Variants in ARHGAP15 observed in about 807,000 individuals in gnomAD.
ARHGAP15 encodes Rho GTPase activating protein 15.
ARHGAP15 carries 51 observed loss-of-function variants against 63.7 expected under a neutral mutation model. The observed-to-expected ratio is 0.80, with a 90% CI of 0.64 to 1.01. ARHGAP15 has a LOEUF of 1.01. Among genes scored for constraint, ARHGAP15 ranks in the 50% least tolerant of loss-of-function variants. The pLI, the probability that ARHGAP15 is intolerant of heterozygous loss-of-function variation, is 0.00. For missense variants in ARHGAP15, 560 were observed against 564.6 expected (o/e 0.99, Z 0.08); for synonymous variants, 191 against 193.8 (o/e 0.99, Z 0.12).
At chr2:143,470,878 A>G (rs1204556484) in intron 8 of ARHGAP15, among the ~76,000 whole-genome samples, 2 of 149,660 alleles carry the variant, frequency 1.3e-5, no homozygotes, top group Non-Finnish European at 3.0e-5. Flanking sequence ...GTGTGTATAT[A>G]TATACACGTA....
At chr2:143,167,327 C>T (rs1388988181) in intron 2 of ARHGAP15, among the ~76,000 whole-genome samples, 1 of 152,034 alleles carries the variant, frequency 6.6e-6, no homozygotes, top group Non-Finnish European at 1.5e-5. Context: ...ACTTGCTGGC[C>T]ATTTTACTAA....
chr2:143,538,970 T>C (rs895426214), intron 10 of ARHGAP15, among the ~76,000 whole-genome samples: 1 of 152,230 alleles, frequency 6.6e-6, no homozygotes, highest in Non-Finnish European at 1.5e-5. Flanking sequence ...AGTTCCTCCT[T>C]GTACCTCTGG....
chr2:143,530,116 G>A (rs1019063925), intron 10 of ARHGAP15, among the ~76,000 whole-genome samples: 1 of 152,116 alleles, frequency 6.6e-6, no homozygotes. Flanking sequence ...ACAGATTGAC[G>A]ATTCAGTGAC....
At chr2:143,307,653 G>A (rs1252496945) in intron 6 of ARHGAP15, among the ~76,000 whole-genome samples, 1 of 152,034 alleles carries the variant, frequency 6.6e-6, no homozygotes, top group African/African-American at 2.4e-5. Context: ...AGAGAAAAGA[G>A]AAACTTTGCC....
chr2:143,619,336 G>A (rs1253099838), intron 11 of ARHGAP15, among the ~76,000 whole-genome samples: 1 of 152,132 alleles, frequency 6.6e-6, no homozygotes, highest in African/African-American at 2.4e-5. Context: ...GCATTTCAGG[G>A]TAACCTTGTT....
In ARHGAP15 at chr2:143,301,491, G is replaced by T. The variant is rs540574676; in HGVS notation, c.474+50891G>T. Among the ~76,000 whole-genome samples the T allele has an allele frequency of 4.6e-5, 7 of 152,012 alleles. No homozygotes were observed. In the South Asian group the frequency reaches 1.2e-3, roughly 27 times the overall value. ...ATGTGTATAAAAATTGTCTCCACAA[G>T]TCACTATGATTACTTGATAGATGGT... On this transcript the variant is annotated intron_variant, in intron 6 of 13. Transcript: ENST00000295095.
chr2:143,718,689 T>C (rs1684917769), intron 13 of ARHGAP15, among the ~76,000 whole-genome samples: 1 of 152,158 alleles, frequency 6.6e-6, no homozygotes. Context: ...CTCCCAATAT[T>C]CATCATCCTC....
intron 6 of ARHGAP15, among the ~76,000 whole-genome samples, chr2:143,272,423 G>A (rs1163859110): frequency 1.3e-5 from 2 of 152,066 alleles, no homozygotes; most frequent in Non-Finnish European, 2.9e-5. Flanking sequence ...TTGAGGTCAG[G>A]AGTTCGAGAC....
At chr2:143,277,287 T>C (rs114552171) in intron 6 of ARHGAP15, among the ~76,000 whole-genome samples, 6 of 151,992 alleles carry the variant, frequency 3.9e-5, no homozygotes, top group Non-Finnish European at 8.8e-5. Context: ...TTTCATTACG[T>C]ATCATTTGTT....
chr2:143,458,415 C>T (rs1387341461), intron 8 of ARHGAP15, among the ~76,000 whole-genome samples: 1 of 152,114 alleles, frequency 6.6e-6, no homozygotes, highest in Non-Finnish European at 1.5e-5. Flanking sequence ...CCCTTGTTTT[C>T]CAGGAAATTC....
At chr2:143,667,320 A>C (rs1682259824) in intron 12 of ARHGAP15, among the ~76,000 whole-genome samples, 1 of 148,544 alleles carries the variant, frequency 6.7e-6, no homozygotes, top group Admixed American at 6.7e-5. Flanking sequence ...TATCTCAAGA[A>C]CAAAAAACCA....
chr2:143,413,966 T>TGTGTGCGCGCACGCGCGCGC, intron 6 of ARHGAP15, among the ~76,000 whole-genome samples: 24 of 117,922 alleles, frequency 2.0e-4, no homozygotes, highest in African/African-American at 7.8e-4. Flanking sequence ...TGTGTGTGTG[T>TGTGTGCGCGCACGCGCGCGC]GCGCGCTCTC....
intron 9 of ARHGAP15, 22 bp downstream of exon 9, chr2:143,487,517 T>A (rs1692381505): frequency 1.2e-6 from 2 of 1,605,788 alleles, no homozygotes; most frequent in Admixed American, 3.4e-5. Flanking sequence ...TTTATACTTG[T>A]ACTATAACTG....
intron 8 of ARHGAP15, among the ~76,000 whole-genome samples, chr2:143,481,189 T>C (rs1200248357): frequency 3.3e-5 from 5 of 152,104 alleles, no homozygotes; most frequent in Non-Finnish European, 7.4e-5. Flanking sequence ...GCTTTGCCCT[T>C]GATGTCCTTT....
chr2:143,136,161 T>C (rs1025373478), intron 1 of ARHGAP15, among the ~76,000 whole-genome samples: 2 of 152,180 alleles, frequency 1.3e-5, no homozygotes, highest in South Asian at 2.1e-4. Context: ...TTGATTCTAC[T>C]CTTTCCCTAC....
chr2:143,141,843 G>A (rs1293700147), intron 1 of ARHGAP15, among the ~76,000 whole-genome samples: 2 of 152,052 alleles, frequency 1.3e-5, no homozygotes, highest in Non-Finnish European at 2.9e-5. Flanking sequence ...TACATCAGAG[G>A]AGCAATGTTC....
chr2:143,617,763 CAAAATAATA>C (rs1347415642), intron 11 of ARHGAP15, among the ~76,000 whole-genome samples: 2 of 152,060 alleles, frequency 1.3e-5, no homozygotes, highest in East Asian at 3.8e-4. Flanking sequence ...CCCCCAAGGA[CAAAATAATA>C]TGATTCTAGG....
chr2:143,574,463 C>G (rs1246985885), intron 11 of ARHGAP15, among the ~76,000 whole-genome samples: 1 of 151,112 alleles, frequency 6.6e-6, no homozygotes, highest in Non-Finnish European at 1.5e-5. Context: ...GATAAAAGAG[C>G]CTAAAACTTA....
intron 13 of ARHGAP15, among the ~76,000 whole-genome samples, chr2:143,708,028 T>C (rs985127016): frequency 3.3e-5 from 5 of 152,158 alleles, no homozygotes; most frequent in African/African-American, 4.8e-5. Flanking sequence ...GGAGGAGACA[T>C]TGAAGTTAAG....
Sources: gnomAD v4.1 joint callset for allele counts (sites outside exome capture counted in the v4.1 genomes callset) on GRCh38, gnomAD v4.1.1 for gene constraint, MANE v1.5 for transcripts, NCBI Gene and HGNC (gene_info 2026-07-23, HGNC 2026-07-21) for gene names.